The following TRABD2B variants were observed in gnomAD, a reference collection of about 807,000 sequenced individuals.
TRABD2B encodes the protein TraB domain containing 2B, also known as metalloprotease TIKI2.
TRABD2B carries 14 observed loss-of-function variants against 40.1 expected under a neutral mutation model. The ratio of observed to expected loss-of-function variants is 0.35; its 90% CI spans 0.23 to 0.55. The LOEUF (loss-of-function observed/expected upper bound fraction) is 0.55. TRABD2B is among the 20% of genes least tolerant of loss of function. TRABD2B has a pLI of 0.90. For missense variants in TRABD2B, 541 were observed against 648.6 expected (o/e 0.83, Z 1.80); for synonymous variants, 263 against 277.0 (o/e 0.95, Z 0.50).
At chr1:47,931,024 T>C (rs1180254904) in intron 2 of TRABD2B, among the ~76,000 whole-genome samples, 1 of 152,216 alleles carries the variant, frequency 6.6e-6, no homozygotes, top group Non-Finnish European at 1.5e-5. Context: ...CCTGTGTCAT[T>C]CACCAGAATA....
chr1:47,875,634 C>T (rs1185943421), intron 2 of TRABD2B, among the ~76,000 whole-genome samples: 1 of 124,866 alleles, frequency 8.0e-6, no homozygotes, highest in Non-Finnish European at 1.6e-5. Flanking sequence ...TTGCAGTGAA[C>T]CATGATCGTG....
At chr1:47,880,125 T>C (rs1000291131) in intron 2 of TRABD2B, among the ~76,000 whole-genome samples, 38 of 152,156 alleles carry the variant, frequency 2.5e-4, no homozygotes, top group African/African-American at 8.4e-4. Context: ...GCCTGGCCAA[T>C]GTGGTGAAAC....
intron 2 of TRABD2B, among the ~76,000 whole-genome samples, chr1:47,899,321 G>C (rs11583163): frequency 0.023 from 3,561 of 152,366 alleles, 107 homozygotes; most frequent in Admixed American, 0.09. Flanking sequence ...AGGTGCTCAT[G>C]CACACCTGGA....
At chr1:47,822,442 C>T (rs967894277) in intron 2 of TRABD2B, among the ~76,000 whole-genome samples, 2 of 152,206 alleles carry the variant, frequency 1.3e-5, no homozygotes, top group African/African-American at 4.8e-5. Context: ...CTCTGAGCTT[C>T]CCTGTCACAG....
chr1:47,966,763 G>A (rs1416514877), intron 2 of TRABD2B, among the ~76,000 whole-genome samples: 2 of 151,912 alleles, frequency 1.3e-5, no homozygotes, highest in African/African-American at 4.8e-5. Flanking sequence ...AAATTAGCCA[G>A]GTGTGGTGGC....
At chr1:47,930,391 C>T (rs1273880963) in intron 2 of TRABD2B, among the ~76,000 whole-genome samples, 1 of 152,184 alleles carries the variant, frequency 6.6e-6, no homozygotes, top group East Asian at 1.9e-4. Context: ...GAGGATAGCG[C>T]TGAGCTCTTG....
Position 47,962,221 on chromosome 1 carries a change from G to A in TRABD2B, c.666+31813C>T, listed in dbSNP as rs1047347416. 5.9e-5 allele frequency among the ~76,000 whole-genome samples: 9 copies of A among 151,914 alleles called. No individual in the cohort carries two copies. The East Asian group carries it at 7.7e-4, about 13-fold the overall frequency. ...CACGCCGGGGCCTGTTGTGGGGTGG[G>A]GGGATGGGGGAGGGATAGCATTAGG... On this transcript the variant is annotated intron_variant, in intron 2 of 6. Coordinates refer to ENST00000606738, the MANE Select transcript of TRABD2B (RefSeq NM_001194986.2).
Position 47,934,880 on chromosome 1 carries a change from C to T in TRABD2B, c.666+59154G>A, listed in dbSNP as rs1645086327. The stretch of plus-strand genomic sequence containing the variant: ...ACCTTCAAGATGGTACTCAAAAGAG[C>T]CTACTCCCTTCCTCTCAAAATGCAA... On this transcript the variant is annotated intron_variant, in intron 2 of 6. Transcript: ENST00000606738. 3.9e-5 allele frequency among the ~76,000 whole-genome samples: 6 copies of T among 152,290 alleles called. No individual in the cohort carries two copies. The South Asian group carries it at 1.2e-3, about 32-fold the overall frequency.
chr1:47,767,754 G>A (rs564294519), intron 6 of TRABD2B, among the ~76,000 whole-genome samples: 7 of 152,326 alleles, frequency 4.6e-5, no homozygotes, highest in East Asian at 3.9e-4. Context: ...TGCAGCATGC[G>A]TGCCTTCCTG....
At chr1:47,810,306 G>A (rs186680075) in intron 2 of TRABD2B, among the ~76,000 whole-genome samples, 97 of 152,264 alleles carry the variant, frequency 6.4e-4, no homozygotes, top group Admixed American at 1.1e-3. Flanking sequence ...CTGGACTCAA[G>A]TGATCCTCCT....
At chr1:47,766,811 G>A (rs1644310180) in intron 6 of TRABD2B, among the ~76,000 whole-genome samples, 2 of 152,176 alleles carry the variant, frequency 1.3e-5, no homozygotes, top group South Asian at 4.1e-4. Context: ...TGCAGGATAT[G>A]TTTAGTGAGA....
chr1:47,812,798 G>C (rs185964009), intron 2 of TRABD2B, among the ~76,000 whole-genome samples: 1 of 152,170 alleles, frequency 6.6e-6, no homozygotes. Context: ...GTTTAAAGAC[G>C]AGCCAGCAGT....
chr1:47,997,186 G>A lies in TRABD2B; in HGVS notation c.-397C>T, dbSNP rs1360242634. 3.1e-6 allele frequency: 3 copies of A among 983,402 alleles called. No homozygotes were observed. The highest frequency in any genetic ancestry group is 1.2e-6 in the Non-Finnish European group (1 of 829,208). The allele number at this position is 983,402 out of a possible 1,614,324, so 60.9% of individuals were successfully genotyped here. A position where few individuals can be genotyped will look rare whatever the true frequency, so the allele number is the denominator to read the frequency against. The stretch of plus-strand genomic sequence containing the variant: ...TCCCGGGGTTATGCTGGGCACCCGG[G>A]GCACGCAAGGGTCCCAGGGGTGCGC... On this transcript the variant is annotated 5_prime_UTR_variant, in exon 1 of 7. Coordinates refer to ENST00000606738, the MANE Select transcript of TRABD2B (RefSeq NM_001194986.2).
chr1:47,796,864 C>T (rs1171055492), intron 3 of TRABD2B, among the ~76,000 whole-genome samples: 1 of 152,224 alleles, frequency 6.6e-6, no homozygotes, highest in Non-Finnish European at 1.5e-5. Flanking sequence ...TATGGGAACA[C>T]TGACGGCTTC....
intron 2 of TRABD2B, among the ~76,000 whole-genome samples, chr1:47,940,759 G>C (rs901054736): frequency 2.0e-5 from 3 of 152,220 alleles, no homozygotes; most frequent in Non-Finnish European, 4.4e-5. Flanking sequence ...CAGGGACAGA[G>C]GCAGGATGCA....
At chr1:47,828,471 C>T (rs1309749787) in intron 2 of TRABD2B, among the ~76,000 whole-genome samples, 3 of 152,194 alleles carry the variant, frequency 2.0e-5, no homozygotes, top group African/African-American at 7.2e-5. Flanking sequence ...TGACAGTGCA[C>T]GAGGGCCGCT....
At chr1:47,891,552 T>C (rs1298825469) in intron 2 of TRABD2B, among the ~76,000 whole-genome samples, 2 of 152,126 alleles carry the variant, frequency 1.3e-5, no homozygotes, top group Non-Finnish European at 2.9e-5. Flanking sequence ...ACCCCAGCAC[T>C]TTGGGAGGCT....
chr1:47,797,745 G>A (rs1205765445), intron 3 of TRABD2B, among the ~76,000 whole-genome samples: 1 of 152,112 alleles, frequency 6.6e-6, no homozygotes, highest in Admixed American at 6.5e-5. Context: ...TGGGATGGAA[G>A]CAAATTAATG....
chr1:47,983,041 C>G (rs552179724), intron 2 of TRABD2B, among the ~76,000 whole-genome samples: 6 of 152,304 alleles, frequency 3.9e-5, no homozygotes, highest in African/African-American at 1.4e-4. Context: ...TGCTAATGTT[C>G]ACTGCAGCAC....
Sources: gnomAD v4.1 joint callset for allele counts (sites outside exome capture counted in the v4.1 genomes callset) on GRCh38, gnomAD v4.1.1 for gene constraint, MANE v1.5 for transcripts, NCBI Gene and HGNC (gene_info 2026-07-23, HGNC 2026-07-21) for gene names.